The following APBB2 variants were observed in gnomAD, a reference collection of about 807,000 sequenced individuals.
APBB2 encodes the protein Fe65-like 1.
In APBB2, 38 loss-of-function variants were observed where a neutral mutation model predicts 82.5. That is an observed-to-expected ratio of 0.46 (90% CI 0.36 to 0.60). APBB2 has a LOEUF of 0.60. APBB2 is among the 20% of genes least tolerant of loss of function. The pLI, the probability that APBB2 is intolerant of heterozygous loss-of-function variation, is 0.00. For synonymous variants in APBB2, 341 were observed against 368.2 expected (o/e 0.93, Z 0.85); for missense variants, 772 against 972.3 (o/e 0.79, Z 2.74).
intron 4 of APBB2, among the ~76,000 whole-genome samples, chr4:41,037,109 T>C (rs10002606): frequency 0.015 from 2,282 of 152,324 alleles, 51 homozygotes; most frequent in African/African-American, 0.052. Flanking sequence ...GATTTATAAG[T>C]TGATATTTGA....
intron 12 of APBB2, among the ~76,000 whole-genome samples, chr4:40,866,231 G>C (rs1313727314): frequency 6.6e-6 from 1 of 151,800 alleles, no homozygotes; most frequent in Non-Finnish European, 1.5e-5. Context: ...TCTCTTGATG[G>C]GTTTACCTCA....
At chr4:41,000,061 A>ATGTGTGTGTGTGTGTG (rs1218564307) in intron 6 of APBB2, among the ~76,000 whole-genome samples, 7 of 113,224 alleles carry the variant, frequency 6.2e-5, no homozygotes, top group African/African-American at 2.3e-4. Context: ...ATGTATATAT[A>ATGTGTGTGTGTGTGTG]TGTGTGTATG....
chr4:40,907,794 G>C (rs960316468), intron 10 of APBB2, among the ~76,000 whole-genome samples: 1 of 150,944 alleles, frequency 6.6e-6, no homozygotes, highest in Non-Finnish European at 1.5e-5. Flanking sequence ...GAGTAGACGG[G>C]ACTACAAGTG....
At chr4:41,010,657 T>C (rs922069555) in intron 6 of APBB2, among the ~76,000 whole-genome samples, 3 of 152,158 alleles carry the variant, frequency 2.0e-5, no homozygotes, top group Non-Finnish European at 4.4e-5. Flanking sequence ...AATACCTAAA[T>C]ACTCATCAGC....
At chr4:40,843,852 C>G (rs1331215139) in intron 12 of APBB2, among the ~76,000 whole-genome samples, 1 of 152,210 alleles carries the variant, frequency 6.6e-6, no homozygotes, top group African/African-American at 2.4e-5. Flanking sequence ...CAAGGTCACA[C>G]AGCTACTACA....
intron 6 of APBB2, among the ~76,000 whole-genome samples, chr4:40,978,367 G>T (rs934666898): frequency 6.6e-6 from 1 of 152,088 alleles, no homozygotes; most frequent in African/African-American, 2.4e-5. Context: ...TTTGTATTTG[G>T]TAACAGTCAC....
At chr4:41,001,885 A>G (rs1175549141) in intron 6 of APBB2, among the ~76,000 whole-genome samples, 1 of 151,962 alleles carries the variant, frequency 6.6e-6, no homozygotes, top group East Asian at 1.9e-4. Context: ...CTCAAAAAAA[A>G]AAAAAGAAAA....
chr4:41,019,650 G>C (rs1810942196), intron 5 of APBB2, among the ~76,000 whole-genome samples: 1 of 152,130 alleles, frequency 6.6e-6, no homozygotes, highest in African/African-American at 2.4e-5. Flanking sequence ...CTGGCCTGGA[G>C]AAAGCAGGAA....
At chr4:41,155,693 A>G (rs1763276581) in intron 1 of APBB2, among the ~76,000 whole-genome samples, 1 of 152,228 alleles carries the variant, frequency 6.6e-6, no homozygotes, top group Non-Finnish European at 1.5e-5. Context: ...ATGGAATAAC[A>G]TTCCTAAACT....
At chr4:41,205,660 C>T (rs1777753160) in intron 1 of APBB2, among the ~76,000 whole-genome samples, 1 of 152,168 alleles carries the variant, frequency 6.6e-6, no homozygotes, top group South Asian at 2.1e-4. Flanking sequence ...CCTGGATACT[C>T]TAAACTCAAG....
chr4:41,153,499 A>G (rs1035048554), intron 1 of APBB2, among the ~76,000 whole-genome samples: 3 of 152,132 alleles, frequency 2.0e-5, no homozygotes, highest in Admixed American at 1.3e-4. Flanking sequence ...TCTTTCCCCT[A>G]CTATCTCATC....
chr4:40,934,602 C>T lies in APBB2; in HGVS notation c.1193+12G>A. ...ATACATTGACAGCAGGTCGATCCTA[C>T]TAATGTCCTACCTGAGTTTCAAAGA... On this transcript the variant is annotated intron_variant, in intron 9 of 17. Coordinates refer to ENST00000508593, the MANE Select transcript of APBB2 (RefSeq NM_004307.2). 1.2e-6 allele frequency: 2 copies of T among 1,612,550 alleles called. No individual in the cohort carries two copies. The highest frequency in any genetic ancestry group is 1.7e-6 in the Non-Finnish European group (2 of 1,178,564).
chr4:41,132,493 T>G (rs1298267528), intron 2 of APBB2, among the ~76,000 whole-genome samples: 1 of 152,222 alleles, frequency 6.6e-6, no homozygotes, highest in African/African-American at 2.4e-5. Context: ...GCTTTCCTGA[T>G]TAGCAATCAG....
intron 1 of APBB2, among the ~76,000 whole-genome samples, chr4:41,190,740 C>T (rs1474392179): frequency 6.6e-6 from 1 of 152,136 alleles, no homozygotes; most frequent in African/African-American, 2.4e-5. Context: ...TCCATAAAAA[C>T]ACGGCTTGAC....
At chr4:40,986,715 A>G (rs1800501316) in intron 6 of APBB2, among the ~76,000 whole-genome samples, 1 of 152,212 alleles carries the variant, frequency 6.6e-6, no homozygotes. Flanking sequence ...GCATTAATCC[A>G]TCACTCATGA....
chr4:41,027,397 ATATAT>A (rs1714842316), intron 5 of APBB2, among the ~76,000 whole-genome samples: 3 of 113,152 alleles, frequency 2.7e-5, no homozygotes, highest in Non-Finnish European at 3.8e-5. Flanking sequence ...ATATATATAT[ATATAT>A]ATAACATTTT....
At chr4:40,857,791 T>C (rs1212559202) in intron 12 of APBB2, among the ~76,000 whole-genome samples, 1 of 21,426 alleles carries the variant, frequency 4.7e-5, no homozygotes, top group Non-Finnish European at 9.0e-5. Flanking sequence ...ATCCTGATTG[T>C]GGGGCGAGTG....
At chr4:41,111,793 C>A (rs192415966) in intron 2 of APBB2, among the ~76,000 whole-genome samples, 2 of 152,312 alleles carry the variant, frequency 1.3e-5, no homozygotes, top group Admixed American at 1.3e-4. Flanking sequence ...TCCCTATATT[C>A]TCATTTTAAC....
chr4:41,009,592 GTC>G (rs1318580025), intron 6 of APBB2, among the ~76,000 whole-genome samples: 2 of 152,140 alleles, frequency 1.3e-5, no homozygotes, highest in African/African-American at 4.8e-5. Flanking sequence ...GTAGAAATGA[GTC>G]TATTTTTCTA....
Sources: allele counts gnomAD v4.1 joint callset (sites outside exome capture counted in the v4.1 genomes callset), GRCh38; gene constraint gnomAD v4.1.1; transcripts MANE v1.5; gene names NCBI Gene and HGNC (gene_info 2026-07-23, HGNC 2026-07-21).